Variants in RARB observed in about 807,000 individuals in gnomAD.
RARB encodes HBV-activated protein.
In RARB, 17 loss-of-function variants were observed where a neutral mutation model predicts 51.9. The observed-to-expected ratio is 0.33, with a 90% confidence interval of 0.22 to 0.49. The LOEUF (loss-of-function observed/expected upper bound fraction) is 0.49, where lower values mean the gene tolerates loss of function less well. Among genes scored for constraint, RARB ranks in the 20% least tolerant of loss-of-function variants. The probability of loss-of-function intolerance (pLI) is 0.99; values close to 1 mark genes in which losing one functional copy is unlikely to be tolerated. For missense variants in RARB, 369 were observed against 550.8 expected (o/e 0.67, Z 3.30); for synonymous variants, 215 against 195.4 (o/e 1.10, Z -0.84).
chr3:25,027,782 G>A (rs1247893214), intron 2 of RARB, among the ~76,000 whole-genome samples: 1 of 152,130 alleles, frequency 6.6e-6, no homozygotes, highest in Admixed American at 6.5e-5. Context: ...AACTATATCA[G>A]AGACTCAGGC....
At chr3:25,421,352 C>T (rs1027494367) in intron 5 of RARB, among the ~76,000 whole-genome samples, 2 of 147,354 alleles carry the variant, frequency 1.4e-5, no homozygotes, top group African/African-American at 2.5e-5. Flanking sequence ...CAATATGTAT[C>T]GGACTTCATT....
At chr3:25,021,180 C>T (rs1697628351) in intron 2 of RARB, among the ~76,000 whole-genome samples, 1 of 152,050 alleles carries the variant, frequency 6.6e-6, no homozygotes, top group Admixed American at 6.6e-5. Flanking sequence ...GAATAGTACT[C>T]CTGAAGGTAA....
At chr3:25,560,891 C>G (rs904931087) in intron 3 of RARB, among the ~76,000 whole-genome samples, 1 of 152,120 alleles carries the variant, frequency 6.6e-6, no homozygotes, top group Non-Finnish European at 1.5e-5. Context: ...CTACAGGACT[C>G]AATAAATGTT....
rs781010934 is a variant in RARB, at chr3:25,461,200, A to G, written c.165A>G (p.Glu55=). 1.2e-6 allele frequency: 2 copies of G among 1,609,050 alleles called. No homozygotes were observed. Among genetic ancestry groups the G allele is most frequent in the Non-Finnish European group, 1.7e-6 (2 of 1,178,158 alleles). The change falls in exon 2 of 8, where the codon GAA becomes GAG. Residue 55 remains glutamate, a synonymous_variant. Coordinates refer to ENST00000330688, the MANE Select transcript of RARB (RefSeq NM_000965.5). ...ACCCCATCTCTATTATAGCAATTGA[A>G]ACACAGAGCACCAGCTCTGAGGAAC... ...WQHRHTAQSI[E]TQSTSSEELV... is the part of the protein sequence containing the mutation.
chr3:25,419,599 G>T (rs993925376), intron 5 of RARB, among the ~76,000 whole-genome samples: 1 of 152,176 alleles, frequency 6.6e-6, no homozygotes, highest in Admixed American at 6.5e-5. Flanking sequence ...GTCTGACAGT[G>T]TAGTGTGCAG....
chr3:25,408,223 T>C (rs763475724), intron 5 of RARB, among the ~76,000 whole-genome samples: 11 of 152,166 alleles, frequency 7.2e-5, no homozygotes, highest in Non-Finnish European at 1.2e-4. Flanking sequence ...TATGTATTAA[T>C]CCATTCTCAC....
chr3:24,901,206 G>A (rs1236459574), intron 2 of RARB, among the ~76,000 whole-genome samples: 2 of 152,206 alleles, frequency 1.3e-5, no homozygotes, highest in Non-Finnish European at 2.9e-5. Flanking sequence ...CAGAGACTAT[G>A]TCCTTTCCTG....
intron 2 of RARB, among the ~76,000 whole-genome samples, chr3:25,021,122 T>C (rs1299934078): frequency 6.6e-6 from 1 of 152,236 alleles, no homozygotes; most frequent in Admixed American, 6.5e-5. Flanking sequence ...AACGCTGTTG[T>C]AAAAGATCTA....
chr3:25,301,702 A>G (rs925742356), intron 5 of RARB, among the ~76,000 whole-genome samples: 3 of 152,190 alleles, frequency 2.0e-5, no homozygotes, highest in Non-Finnish European at 4.4e-5. Context: ...TCTTGACAAG[A>G]ACAAAGACCC....
At chr3:25,276,182 T>C (rs941869888) in intron 5 of RARB, among the ~76,000 whole-genome samples, 1 of 152,252 alleles carries the variant, frequency 6.6e-6, no homozygotes, top group African/African-American at 2.4e-5. Context: ...TTTGTCTTTT[T>C]GATAATAGCT....
chr3:25,505,301 A>G (rs1468114709), intron 3 of RARB, among the ~76,000 whole-genome samples: 2 of 152,146 alleles, frequency 1.3e-5, no homozygotes, highest in African/African-American at 4.8e-5. Flanking sequence ...AAACTGAAAT[A>G]TATACTGCGT....
At chr3:25,089,164 G>T (rs1699153035) in intron 3 of RARB, among the ~76,000 whole-genome samples, 3 of 151,646 alleles carry the variant, frequency 2.0e-5, no homozygotes, top group African/African-American at 7.3e-5. Flanking sequence ...CAAATTCATT[G>T]TAAAGAACAG....
intron 3 of RARB, among the ~76,000 whole-genome samples, chr3:25,550,734 C>G (rs1699813965): frequency 6.6e-6 from 1 of 152,162 alleles, no homozygotes; most frequent in Admixed American, 6.5e-5. Flanking sequence ...TCCCGATGTT[C>G]TCCCTCCCCA....
At chr3:25,167,654 A>T (rs116564247) in intron 4 of RARB, among the ~76,000 whole-genome samples, 3 of 152,220 alleles carry the variant, frequency 2.0e-5, no homozygotes, top group Non-Finnish European at 4.4e-5. Flanking sequence ...ATTGTAACCC[A>T]TCCCTGGTAA....
chr3:25,226,490 C>T (rs1575234447), intron 5 of RARB, among the ~76,000 whole-genome samples: 1 of 152,240 alleles, frequency 6.6e-6, no homozygotes, highest in South Asian at 2.1e-4. Context: ...TTTTGTTGAG[C>T]TTTCTACACA....
At chr3:25,014,616 C>G (rs566307607) in intron 2 of RARB, among the ~76,000 whole-genome samples, 2 of 152,220 alleles carry the variant, frequency 1.3e-5, no homozygotes, top group South Asian at 4.2e-4. Flanking sequence ...CCACTGAGCC[C>G]TGCCCATGTT....
chr3:24,924,027 C>A (rs1023362106), intron 2 of RARB, among the ~76,000 whole-genome samples: 1 of 152,096 alleles, frequency 6.6e-6, no homozygotes, highest in African/African-American at 2.4e-5. Context: ...TTCAAGTATG[C>A]AATTTAGTGA....
At chr3:24,871,071 T>C (rs1387180935) in intron 2 of RARB, among the ~76,000 whole-genome samples, 1 of 152,150 alleles carries the variant, frequency 6.6e-6, no homozygotes, top group African/African-American at 2.4e-5. Flanking sequence ...TCAGTTGTTT[T>C]AATTCCATGA....
chr3:25,561,474 G>A (rs904667988), intron 3 of RARB, among the ~76,000 whole-genome samples: 2 of 151,922 alleles, frequency 1.3e-5, no homozygotes, highest in African/African-American at 4.8e-5. Flanking sequence ...GGATCAGTCG[G>A]GTTGTACTTC....
Sources: gnomAD v4.1 joint callset for allele counts (sites outside exome capture counted in the v4.1 genomes callset) on GRCh38, gnomAD v4.1.1 for gene constraint, MANE v1.5 for transcripts, NCBI Gene and HGNC (gene_info 2026-07-23, HGNC 2026-07-21) for gene names.